The following ERCC6L2 variants were observed in gnomAD, a reference collection of about 807,000 sequenced individuals.
ERCC6L2 encodes ERCC excision repair 6 like 2, also known as DNA excision repair protein ERCC-6-like 2.
In ERCC6L2, 77 loss-of-function variants were observed where a neutral mutation model predicts 132.0. That is an observed-to-expected ratio of 0.58 (90% confidence interval 0.49 to 0.71). The LOEUF is 0.71. ERCC6L2 is among the 30% of genes least tolerant of loss of function. The pLI is 0.00. For missense variants in ERCC6L2, 1,542 were observed against 1,837.6 expected (o/e 0.84, Z 2.94); for synonymous variants, 583 against 632.4 (o/e 0.92, Z 1.17).
chr9:95,940,662 T>C (rs1283287123), intron 11 of ERCC6L2, among the ~76,000 whole-genome samples: 1 of 152,038 alleles, frequency 6.6e-6, no homozygotes, highest in Admixed American at 6.6e-5. Context: ...TTTGTTGAGG[T>C]TTGTTTTATG....
chr9:95,953,217 A>T (rs900935230), intron 12 of ERCC6L2, among the ~76,000 whole-genome samples: 1 of 152,186 alleles, frequency 6.6e-6, no homozygotes. Flanking sequence ...TAAAATGATT[A>T]AATTTTTTGT....
At chr9:95,971,634 G>C (rs1321711805) in intron 15 of ERCC6L2, 1 of 170,724 alleles carries the variant, frequency 5.9e-6, no homozygotes, top group African/African-American at 2.4e-5. Flanking sequence ...CCAGAATTAT[G>C]TGTCCTTGCA....
At chr9:95,930,248 T>G (rs959731179) in intron 11 of ERCC6L2, among the ~76,000 whole-genome samples, 1 of 152,136 alleles carries the variant, frequency 6.6e-6, no homozygotes, top group African/African-American at 2.4e-5. Context: ...GTGGTTTTGC[T>G]TTGGCTTCTG....
At chr9:95,982,568 T>G (rs1832934133) in intron 17 of ERCC6L2, among the ~76,000 whole-genome samples, 2 of 152,144 alleles carry the variant, frequency 1.3e-5, no homozygotes, top group Non-Finnish European at 2.9e-5. Context: ...GGTTTATGGT[T>G]TCAGCATGTA....
At chr9:96,027,128 CACACA>C (rs886415999) in intron 19 of ERCC6L2, among the ~76,000 whole-genome samples, 58 of 150,890 alleles carry the variant, frequency 3.8e-4, no homozygotes, top group African/African-American at 1.4e-3. Context: ...ACACACACCA[CACACA>C]ACACACTACA....
chr9:95,940,077 G>A (rs1159111707), intron 11 of ERCC6L2, among the ~76,000 whole-genome samples: 2 of 152,128 alleles, frequency 1.3e-5, no homozygotes, highest in Non-Finnish European at 2.9e-5. Flanking sequence ...TGTTATCATT[G>A]GGAAGAAAAC....
At chr9:95,903,177 C>G (rs1330222080) in intron 3 of ERCC6L2, among the ~76,000 whole-genome samples, 1 of 152,006 alleles carries the variant, frequency 6.6e-6, no homozygotes, top group Non-Finnish European at 1.5e-5. Context: ...TTATTTTCCT[C>G]AGTTGGTTAA....
chr9:95,905,800 C>G (rs1219875213), intron 3 of ERCC6L2, among the ~76,000 whole-genome samples: 1 of 152,010 alleles, frequency 6.6e-6, no homozygotes, highest in Non-Finnish European at 1.5e-5. Context: ...GACAAATGGC[C>G]TAGGTTAAAT....
At chr9:95,990,163 TGAA>T (rs1435752503) in intron 17 of ERCC6L2, among the ~76,000 whole-genome samples, 3 of 152,198 alleles carry the variant, frequency 2.0e-5, no homozygotes, top group Admixed American at 6.5e-5. Flanking sequence ...CATTCCACAG[TGAA>T]GAAGGCCAGG....
intron 12 of ERCC6L2, 71 bp from the exon 13 acceptor site, chr9:95,955,843 G>A: frequency 2.8e-6 from 2 of 716,294 alleles, no homozygotes; most frequent in South Asian, 2.2e-5. Context: ...CCATTTTTAT[G>A]TCCCCAAGTT....
downstream of ERCC6L2, among the ~76,000 whole-genome samples, chr9:96,019,033 G>A (rs973743809): frequency 7.2e-5 from 11 of 152,166 alleles, no homozygotes; most frequent in African/African-American, 2.2e-4. Flanking sequence ...ATCTGGCAGG[G>A]GGAAAAATGC....
At chr9:95,949,900 T>C (rs7028281) in intron 12 of ERCC6L2, among the ~76,000 whole-genome samples, 89,780 of 151,512 alleles carry the variant, frequency 0.59, 26,805 homozygotes, top group East Asian at 0.79. Flanking sequence ...CCCAGCTACT[T>C]GGGAGGCTGA....
chr9:96,020,324 C>T (rs948697925), downstream of ERCC6L2: 2 of 178,016 alleles, frequency 1.1e-5, no homozygotes, highest in Admixed American at 1.1e-4. Context: ...GAAACAGAGC[C>T]AAACCATATC....
exon 20 of ERCC6L2, chr9:96,039,040 C>A (rs1038379011): frequency 2.4e-6 from 1 of 419,510 alleles, no homozygotes; most frequent in Non-Finnish European, 4.8e-6. Context: ...CCCCAACACA[C>A]GCAGATGATC....
At chr9:95,943,411 A>G (rs1353244253) in intron 12 of ERCC6L2, among the ~76,000 whole-genome samples, 1 of 152,110 alleles carries the variant, frequency 6.6e-6, no homozygotes, top group African/African-American at 2.4e-5. Flanking sequence ...AGAGTGAGTT[A>G]TAATAATTAC....
intron 18 of ERCC6L2, among the ~76,000 whole-genome samples, chr9:96,006,101 C>A (rs1833854445): frequency 6.6e-6 from 1 of 152,174 alleles, no homozygotes; most frequent in South Asian, 2.1e-4. Context: ...GTATGAGCTA[C>A]TCCTGGTTTG....
chr9:95,926,114 C>G (rs535208442), intron 9 of ERCC6L2, among the ~76,000 whole-genome samples: 11 of 152,248 alleles, frequency 7.2e-5, no homozygotes, highest in African/African-American at 2.6e-4. Context: ...TGTGGAGTAA[C>G]AAGAACCCCC....
downstream of ERCC6L2, chr9:96,020,584 G>C: frequency 5.5e-6 from 2 of 363,592 alleles, no homozygotes; most frequent in Non-Finnish European, 1.1e-5. Flanking sequence ...GGACAAGCAG[G>C]TCTCAAGAAG....
chr9:95,906,157 C>T (rs1829023095), intron 3 of ERCC6L2, among the ~76,000 whole-genome samples: 1 of 152,040 alleles, frequency 6.6e-6, no homozygotes, highest in African/African-American at 2.4e-5. Context: ...ACCTGAGTTT[C>T]AAGAGAGAGC....
Sources: allele counts gnomAD v4.1 joint callset (sites outside exome capture counted in the v4.1 genomes callset), GRCh38; gene constraint gnomAD v4.1.1; transcripts MANE v1.5; gene names NCBI Gene and HGNC (gene_info 2026-07-23, HGNC 2026-07-21).